Variants in PCDH11Y observed in about 807,000 individuals in gnomAD.
PCDH11Y encodes protocadherin-11 Y-linked.
For missense variants in PCDH11Y, 12 were observed against 224.8 expected, an observed-to-expected ratio of 0.05 and a Z score of 6.05; for synonymous variants, 9 against 83.6, an observed-to-expected ratio of 0.11 and a Z score of 4.87.
At chrY:5,585,903 T>C in intron 4 of PCDH11Y, among the ~76,000 whole-genome samples, 1 of 18,557 alleles carries the variant, frequency 5.4e-5, no homozygotes, top group Non-Finnish European at 1.2e-4. Flanking sequence ...GAGTTGTAGG[T>C]GTGTGGTCTT....
At chrY:5,352,781 A>G in intron 2 of PCDH11Y, among the ~76,000 whole-genome samples, 2 of 33,320 alleles carry the variant, frequency 6.0e-5, no homozygotes, top group Non-Finnish European at 1.5e-4. Flanking sequence ...TTACAAACGT[A>G]AAACAGTCTT....
chrY:5,020,430 A>AT (rs2052567913), intron 1 of PCDH11Y, among the ~76,000 whole-genome samples: 1 of 32,941 alleles, frequency 3.0e-5, no homozygotes, highest in Non-Finnish European at 7.5e-5. Flanking sequence ...AGTAAAACGC[A>AT]TTTTTTTGGT....
intron 4 of PCDH11Y, among the ~76,000 whole-genome samples, chrY:5,586,387 C>T: frequency 9.2e-5 from 3 of 32,555 alleles, no homozygotes; most frequent in Non-Finnish European, 2.3e-4. Context: ...CTGTTTGTGG[C>T]TCTCAGCTTA....
chrY:5,244,985 G>A, intron 2 of PCDH11Y, among the ~76,000 whole-genome samples: 2 of 33,479 alleles, frequency 6.0e-5, no homozygotes, highest in Non-Finnish European at 1.5e-4. Flanking sequence ...AGTTGTGGCA[G>A]ACTGCGGCCA....
intron 4 of PCDH11Y, among the ~76,000 whole-genome samples, chrY:5,620,889 A>G: frequency 3.0e-5 from 1 of 33,400 alleles, no homozygotes; most frequent in Non-Finnish European, 7.4e-5. Flanking sequence ...AATTGAAGGA[A>G]CAGACCTCAA....
intron 4 of PCDH11Y, among the ~76,000 whole-genome samples, chrY:5,702,404 ATC>A: frequency 4.1e-5 from 1 of 24,366 alleles, no homozygotes; most frequent in South Asian, 1.1e-3. Flanking sequence ...ACCTTAGATG[ATC>A]TTCCTGCCTT....
At chrY:5,166,250 A>G (rs2124644912) in intron 2 of PCDH11Y, among the ~76,000 whole-genome samples, 8 of 32,903 alleles carry the variant, frequency 2.4e-4, no homozygotes, top group Admixed American at 2.0e-3. Context: ...CTAAAAATCC[A>G]AAAGAAAAAA....
chrY:5,711,663 A>G (rs2053586662), intron 4 of PCDH11Y, among the ~76,000 whole-genome samples: 1 of 31,221 alleles, frequency 3.2e-5, no homozygotes, highest in African/African-American at 1.3e-4. Context: ...TGTGGCATGC[A>G]CCTGTAGTCC....
intron 1 of PCDH11Y, among the ~76,000 whole-genome samples, chrY:5,097,144 TA>T (rs772129829): frequency 6.6e-4 from 9 of 13,623 alleles, no homozygotes; most frequent in South Asian, 2.2e-3. Flanking sequence ...GCTTGCATGT[TA>T]AAAAAAAAAA....
Position 5,206,725 on chromosome Y carries a change from C to T in PCDH11Y, c.3129+106018C>T. ...AGAAAGAGTGACCACACCCTGCAGA[C>T]CTTTTGGTGTAAAAGAGGTAACGAT... On this transcript the variant is annotated intron_variant, in intron 2 of 4. Coordinates refer to the PCDH11Y transcript ENST00000400457. Among the ~76,000 whole-genome samples, 3 of 32,202 alleles carry T rather than the reference C, an allele frequency of 9.3e-5. No individual in the cohort carries two copies. The East Asian group carries it at 2.5e-3, about 27-fold the overall frequency. The allele number at this position is 32,202 out of a possible 37,273, so 86.4% of individuals were successfully genotyped here. A position where few individuals can be genotyped will look rare whatever the true frequency, so the allele number is the denominator to read the frequency against.
At chrY:5,044,543 T>C in intron 3 of PCDH11Y, among the ~76,000 whole-genome samples, 1 of 32,752 alleles carries the variant, frequency 3.1e-5, no homozygotes, top group Non-Finnish European at 7.5e-5. Context: ...ATGTGGTCAA[T>C]TTTGGAATAG....
intron 2 of PCDH11Y, among the ~76,000 whole-genome samples, chrY:5,153,916 C>CA (rs2052866126): frequency 5.1e-5 from 1 of 19,456 alleles, no homozygotes; most frequent in Admixed American, 5.6e-4. Context: ...TGTAAAGTAA[C>CA]AGATAAACCA....
chrY:5,078,091 T>A, intron 1 of PCDH11Y, among the ~76,000 whole-genome samples: 1 of 31,847 alleles, frequency 3.1e-5, no homozygotes, highest in East Asian at 8.5e-4. Context: ...GTTGTTCAGA[T>A]CCCACTTATA....
At chrY:5,505,374 G>C (rs1602935471) in intron 3 of PCDH11Y, among the ~76,000 whole-genome samples, 110 of 32,567 alleles carry the variant, frequency 3.4e-3, no homozygotes, top group African/African-American at 0.012. Context: ...TTCATTGTAT[G>C]TGATCATTTC....
chrY:5,277,805 G>A, intron 2 of PCDH11Y, among the ~76,000 whole-genome samples: 1 of 32,546 alleles, frequency 3.1e-5, no homozygotes, highest in Admixed American at 2.8e-4. Context: ...TTATTTTACT[G>A]GCATACGAAT....
intron 4 of PCDH11Y, among the ~76,000 whole-genome samples, chrY:5,632,882 ACTT>A (rs2053513494): frequency 3.1e-5 from 1 of 32,377 alleles, no homozygotes; most frequent in African/African-American, 1.2e-4. Flanking sequence ...CTTCACATTG[ACTT>A]CTTCATCTTT....
At chrY:5,078,493 T>C in intron 1 of PCDH11Y, among the ~76,000 whole-genome samples, 1 of 32,250 alleles carries the variant, frequency 3.1e-5, no homozygotes, top group East Asian at 8.1e-4. Flanking sequence ...TAAAGAAAAA[T>C]AGGGTTAATT....
intron 1 of PCDH11Y, among the ~76,000 whole-genome samples, chrY:5,077,978 A>C (rs2052712447): frequency 3.2e-5 from 1 of 31,355 alleles, no homozygotes; most frequent in Non-Finnish European, 7.7e-5. Flanking sequence ...TCAACCCATC[A>C]TGTAGGTATT....
At chrY:5,274,806 A>G (rs2053042245) in intron 2 of PCDH11Y, among the ~76,000 whole-genome samples, 1 of 34,490 alleles carries the variant, frequency 2.9e-5, no homozygotes, top group Non-Finnish European at 7.2e-5. Flanking sequence ...AAATAAAATT[A>G]CCTTTACTTC....
Sources: allele counts gnomAD v4.1 joint callset (sites outside exome capture counted in the v4.1 genomes callset), GRCh38; gene constraint gnomAD v4.1.1; transcripts MANE v1.5; gene names NCBI Gene and HGNC (gene_info 2026-07-23, HGNC 2026-07-21).